FOXO1: variants seen among roughly 807,000 people sequenced by gnomAD.
FOXO1 encodes forkhead box protein O1.
In FOXO1, 6 loss-of-function variants were observed where a neutral mutation model predicts 44.1. That is an observed-to-expected ratio of 0.14 (90% CI 0.07 to 0.27). The LOEUF is 0.27. Ranked by LOEUF, FOXO1 falls within the 10% of genes least tolerant of loss-of-function variation. The pLI, the probability that FOXO1 is intolerant of heterozygous loss-of-function variation, is 1.00. For missense variants in FOXO1, 737 were observed against 888.8 expected, an observed-to-expected ratio of 0.83 and a Z score of 2.17; for synonymous variants, 380 against 362.7, an observed-to-expected ratio of 1.05 and a Z score of -0.54.
At chr13:40,559,399 C>A (rs1873886924) in intron 2 of FOXO1, 110 bp downstream of exon 2, 2 of 978,360 alleles carry the variant, frequency 2.0e-6, no homozygotes, top group Non-Finnish European at 3.0e-6. Flanking sequence ...TCCCTCTCTG[C>A]AAGGGACAGT....
intron 1 of FOXO1, among the ~76,000 whole-genome samples, chr13:40,572,024 T>C (rs1489413338): frequency 6.6e-6 from 1 of 152,258 alleles, no homozygotes; most frequent in African/African-American, 2.4e-5. Context: ...TTTTAAAGTA[T>C]TTTGTCAGCA....
At chr13:40,659,655 T>TA (rs1390247808) in intron 1 of FOXO1, among the ~76,000 whole-genome samples, 1 of 152,038 alleles carries the variant, frequency 6.6e-6, no homozygotes, top group Non-Finnish European at 1.5e-5. Context: ...TTTTAGTTTT[T>TA]ATCAAAACTA....
At chr13:40,661,042 G>A (rs1006380355) in intron 1 of FOXO1, among the ~76,000 whole-genome samples, 9 of 152,202 alleles carry the variant, frequency 5.9e-5, no homozygotes, top group African/African-American at 2.2e-4. Flanking sequence ...CCTCAACCAA[G>A]GACATGCCAC....
intron 1 of FOXO1, among the ~76,000 whole-genome samples, chr13:40,659,271 C>T (rs1877957074): frequency 6.7e-6 from 1 of 148,216 alleles, no homozygotes; most frequent in Non-Finnish European, 1.5e-5. Context: ...GCTGAGATCA[C>T]GCCACTGCAC....
At chr13:40,563,545 C>T (rs1049912051) in intron 1 of FOXO1, among the ~76,000 whole-genome samples, 2 of 152,136 alleles carry the variant, frequency 1.3e-5, no homozygotes, top group Admixed American at 6.5e-5. Flanking sequence ...CCGGCTGGAA[C>T]GGAGCAGGTG....
chr13:40,614,987 G>T (rs989378762), intron 1 of FOXO1, among the ~76,000 whole-genome samples: 1 of 152,176 alleles, frequency 6.6e-6, no homozygotes, highest in African/African-American at 2.4e-5. Context: ...ACATGGCATA[G>T]GTGGGTATGC....
chr13:40,575,425 G>T (rs561223205), intron 1 of FOXO1, among the ~76,000 whole-genome samples: 16 of 152,236 alleles, frequency 1.1e-4, no homozygotes, highest in Admixed American at 7.8e-4. Context: ...CAGGGGTGGG[G>T]GTAGGTGGAG....
intron 1 of FOXO1, among the ~76,000 whole-genome samples, chr13:40,634,980 A>G (rs1386839023): frequency 2.6e-5 from 4 of 152,072 alleles, no homozygotes; most frequent in Admixed American, 6.6e-5. Flanking sequence ...TCCAGCCCCA[A>G]TTTTTAAAAA....
chr13:40,597,715 T>C (rs1187837106), intron 1 of FOXO1, among the ~76,000 whole-genome samples: 2 of 152,158 alleles, frequency 1.3e-5, no homozygotes. Flanking sequence ...CGCTGCTGAC[T>C]CGCACCCTGG....
At chr13:40,622,253 C>T (rs533868168) in intron 1 of FOXO1, among the ~76,000 whole-genome samples, 1 of 152,224 alleles carries the variant, frequency 6.6e-6, no homozygotes, top group Non-Finnish European at 1.5e-5. Context: ...TATAAAGAAT[C>T]GATTGCATAG....
chr13:40,606,559 C>G (rs1362299588), intron 1 of FOXO1, among the ~76,000 whole-genome samples: 1 of 152,136 alleles, frequency 6.6e-6, no homozygotes, highest in African/African-American at 2.4e-5. Flanking sequence ...GTGATCCGCC[C>G]GCCTCGGCCT....
chr13:40,616,126 C>T (rs932772079), intron 1 of FOXO1, among the ~76,000 whole-genome samples: 2 of 152,064 alleles, frequency 1.3e-5, no homozygotes, highest in African/African-American at 4.8e-5. Context: ...GCTGATAAAC[C>T]GGATGTGGGA....
At chr13:40,584,469 CAAAAAAAAA>C (rs55733141) in intron 1 of FOXO1, among the ~76,000 whole-genome samples, 7 of 63,110 alleles carry the variant, frequency 1.1e-4, no homozygotes, top group East Asian at 6.6e-4. Context: ...ACAAAAAATG[CAAAAAAAAA>C]AAAAAAAAAA....
rs1022627994 is a variant in FOXO1 at position 40,618,801 on chromosome 13, C to A, written c.630+46782G>T. 3 of 523,362 alleles carry A rather than the reference C, an allele frequency of 5.7e-6. No homozygotes were observed. The African/African-American group carries it at 5.8e-5, about 10-fold the overall frequency. 32.4% of individuals were successfully genotyped at this position (523,362 alleles called of 1,614,324 possible). On this transcript the variant is annotated intron_variant, in intron 1 of 2. Coordinates refer to ENST00000379561, the MANE Select transcript of FOXO1 (RefSeq NM_002015.4). The stretch of plus-strand genomic sequence containing the variant: ...CGAAACCTTATCTCAAGACCGTAAT[C>A]ATTTGTGAAAATGGGAGAAGATGGC...
At chr13:40,656,290 C>T (rs1376332233) in intron 1 of FOXO1, among the ~76,000 whole-genome samples, 2 of 152,186 alleles carry the variant, frequency 1.3e-5, no homozygotes, top group Non-Finnish European at 2.9e-5. Context: ...CTGACATTTA[C>T]ATTTTGAAGT....
intron 2 of FOXO1, 100 bp downstream of exon 2, chr13:40,559,409 T>C: frequency 9.5e-7 from 1 of 1,050,238 alleles, no homozygotes; most frequent in Non-Finnish European, 1.4e-6. Flanking sequence ...CAAGGGACAG[T>C]CAGTTGACAT....
chr13:40,648,334 G>T (rs1430159688), intron 1 of FOXO1, among the ~76,000 whole-genome samples: 3 of 152,126 alleles, frequency 2.0e-5, no homozygotes, highest in Non-Finnish European at 4.4e-5. Flanking sequence ...ACTCTGTACT[G>T]ATAATACTAG....
chr13:40,641,373 T>C (rs182937720), intron 1 of FOXO1, among the ~76,000 whole-genome samples: 4 of 151,984 alleles, frequency 2.6e-5, no homozygotes, highest in African/African-American at 9.7e-5. Flanking sequence ...AGAGAACAAT[T>C]CACTAATACT....
chr13:40,590,753 C>CT (rs201103223), intron 1 of FOXO1, among the ~76,000 whole-genome samples: 1,684 of 151,564 alleles, frequency 0.011, 10 homozygotes, highest in Non-Finnish European at 0.018. Flanking sequence ...TTCTGTGTGG[C>CT]TTTTTTTTTC....
Sources: allele counts gnomAD v4.1 joint callset (sites outside exome capture counted in the v4.1 genomes callset), GRCh38; gene constraint gnomAD v4.1.1; transcripts MANE v1.5; gene names NCBI Gene and HGNC (gene_info 2026-07-23, HGNC 2026-07-21).